The following LRRC37A2 variants were observed in gnomAD, a reference collection of about 807,000 sequenced individuals.
LRRC37A2 encodes the protein leucine rich repeat containing 37 member A2, also known as leucine-rich repeat-containing protein 37A2.
LRRC37A2 carries 9 observed loss-of-function variants against 68.8 expected under a neutral mutation model. That is an observed-to-expected ratio of 0.13 (90% CI 0.08 to 0.23). The LOEUF (loss-of-function observed/expected upper bound fraction) is 0.23, where lower values mean the gene tolerates loss of function less well. Ranked by LOEUF, LRRC37A2 falls within the 10% of genes least tolerant of loss-of-function variation. LRRC37A2 has a pLI of 1.00. For synonymous variants in LRRC37A2, 63 were observed against 367.6 expected (o/e 0.17, Z 9.48); for missense variants, 168 against 950.4 (o/e 0.18, Z 10.82).
chr17:46,952,293 C>T, the LRRC37A2 span, among the ~76,000 whole-genome samples: 1 of 152,222 alleles, frequency 6.6e-6, no homozygotes, highest in Non-Finnish European at 1.5e-5. Context: ...CTGGTCCATG[C>T]AGGACTGGGT....
At chr17:46,583,382 G>A in the LRRC37A2 span, among the ~76,000 whole-genome samples, 57 of 77,052 alleles carry the variant, frequency 7.4e-4, 17 homozygotes, top group Middle Eastern at 0.011. Flanking sequence ...TGCAACCTCC[G>A]CCTCCTGGGT....
chr17:47,003,533 C>G, the LRRC37A2 span, among the ~76,000 whole-genome samples: 1 of 152,188 alleles, frequency 6.6e-6, no homozygotes, highest in African/African-American at 2.4e-5. Flanking sequence ...TGCATGGGGA[C>G]TGGTGTTGAG....
the LRRC37A2 span, among the ~76,000 whole-genome samples, chr17:46,925,072 T>C: frequency 6.6e-6 from 1 of 152,212 alleles, no homozygotes; most frequent in Non-Finnish European, 1.5e-5. Flanking sequence ...GTGTGGAGTG[T>C]AGATGCTCTG....
At chr17:46,827,606 C>T in the LRRC37A2 span, among the ~76,000 whole-genome samples, 1 of 152,086 alleles carries the variant, frequency 6.6e-6, no homozygotes, top group African/African-American at 2.4e-5. Context: ...ATACATTTTC[C>T]TTGTTCGTTA....
chr17:47,026,559 T>C, the LRRC37A2 span, among the ~76,000 whole-genome samples: 7 of 152,140 alleles, frequency 4.6e-5, no homozygotes, highest in African/African-American at 1.7e-4. Flanking sequence ...GGAGAGTTTA[T>C]ATGATGACTG....
At chr17:46,866,400 G>A in the LRRC37A2 span, among the ~76,000 whole-genome samples, 1 of 151,946 alleles carries the variant, frequency 6.6e-6, no homozygotes. Context: ...GTATGTGTGA[G>A]AGTGTGCATG....
the LRRC37A2 span, among the ~76,000 whole-genome samples, chr17:46,575,378 G>C: frequency 2.0e-5 from 3 of 151,934 alleles, no homozygotes; most frequent in African/African-American, 7.3e-5. Context: ...GTTTGAGCCA[G>C]AGTGAAGAAA....
At chr17:46,890,659 T>G in the LRRC37A2 span, among the ~76,000 whole-genome samples, 1 of 152,232 alleles carries the variant, frequency 6.6e-6, no homozygotes. Flanking sequence ...GCCACAGGCA[T>G]GGCCTGTCTT....
At chr17:46,876,030 A>G in the LRRC37A2 span, among the ~76,000 whole-genome samples, 2 of 152,196 alleles carry the variant, frequency 1.3e-5, no homozygotes, top group African/African-American at 4.8e-5. Context: ...TGCTGTGTTC[A>G]GTCACTCAGT....
the LRRC37A2 span, among the ~76,000 whole-genome samples, chr17:46,986,420 G>A: frequency 1.3e-5 from 2 of 152,164 alleles, no homozygotes; most frequent in Non-Finnish European, 2.9e-5. Context: ...TTTATAATAA[G>A]GTCCTTCCTT....
chr17:47,000,014 A>ATAAAATAAAATAAAATAAAAT, the LRRC37A2 span, among the ~76,000 whole-genome samples: 23 of 16,904 alleles, frequency 1.4e-3, 1 homozygote, highest in African/African-American at 2.2e-3. Context: ...AAAATAAAAT[A>ATAAAATAAAATAAAATAAAAT]AAATAAAATA....
At chr17:46,779,103 A>ACACACACACACACACACACACC in the LRRC37A2 span, among the ~76,000 whole-genome samples, 64 of 133,654 alleles carry the variant, frequency 4.8e-4, no homozygotes, top group East Asian at 4.6e-3. Flanking sequence ...ACACACACAC[A>ACACACACACACACACACACACC]CCCCAGCCCA....
At chr17:46,789,023 G>A in the LRRC37A2 span, among the ~76,000 whole-genome samples, 2 of 152,210 alleles carry the variant, frequency 1.3e-5, no homozygotes, top group African/African-American at 4.8e-5. Context: ...AGCTCCCCAG[G>A]GCTCCTCAGA....
intron 6 of LRRC37A2, among the ~76,000 whole-genome samples, chr17:46,532,352 T>C (rs2053806465): frequency 6.6e-6 from 1 of 150,514 alleles, no homozygotes; most frequent in Non-Finnish European, 1.5e-5. Context: ...TCCATCTACA[T>C]TCATAAGAAA....
chr17:46,835,928 T>G, the LRRC37A2 span, among the ~76,000 whole-genome samples: 4 of 152,276 alleles, frequency 2.6e-5, no homozygotes, highest in African/African-American at 9.6e-5. Flanking sequence ...GGGACAGGAC[T>G]CTCCTGGTGG....
chr17:46,610,071 T>C, the LRRC37A2 span, among the ~76,000 whole-genome samples: 4 of 129,966 alleles, frequency 3.1e-5, no homozygotes, highest in South Asian at 2.3e-4. Flanking sequence ...TTCTTTCCTT[T>C]CTTTCCTTCT....
At chr17:46,816,439 GA>G in the LRRC37A2 span, among the ~76,000 whole-genome samples, 2 of 143,208 alleles carry the variant, frequency 1.4e-5, no homozygotes, top group African/African-American at 5.2e-5. Flanking sequence ...CTGGTGTATA[GA>G]AAACACCTCT....
the LRRC37A2 span, among the ~76,000 whole-genome samples, chr17:46,718,635 C>T: frequency 6.6e-6 from 1 of 152,158 alleles, no homozygotes; most frequent in Non-Finnish European, 1.5e-5. Context: ...TATAACATGA[C>T]CGAGAATTTG....
the LRRC37A2 span, chr17:46,939,218 A>G: frequency 1.9e-6 from 2 of 1,071,832 alleles, no homozygotes; most frequent in Non-Finnish European, 2.3e-6. Context: ...CAGCCATTAT[A>G]TTAAATAGTA....
Sources: allele counts gnomAD v4.1 joint callset (sites outside exome capture counted in the v4.1 genomes callset), GRCh38; gene constraint gnomAD v4.1.1; transcripts MANE v1.5; gene names NCBI Gene and HGNC (gene_info 2026-07-23, HGNC 2026-07-21).